AKAP13: variants seen among roughly 807,000 people sequenced by gnomAD.
AKAP13 encodes A-kinase anchor protein 13.
Under a neutral mutation model 264.5 loss-of-function variants are expected in AKAP13, and 80 were observed. The observed-to-expected ratio is 0.30, with a 90% CI of 0.25 to 0.36. The LOEUF (loss-of-function observed/expected upper bound fraction) is 0.36, where lower values mean the gene tolerates loss of function less well. Ranked by LOEUF, AKAP13 falls within the 10% of genes least tolerant of loss-of-function variation. The probability of loss-of-function intolerance (pLI) is 1.00; values close to 1 mark genes in which losing one functional copy is unlikely to be tolerated. For synonymous variants in AKAP13, 1,380 were observed against 1,250.2 expected, an observed-to-expected ratio of 1.10 and a Z score of -2.19; for missense variants, 3,712 against 3,435.2, an observed-to-expected ratio of 1.08 and a Z score of -2.01.
intron 6 of AKAP13, among the ~76,000 whole-genome samples, chr15:85,577,017 C>G: frequency 6.6e-6 from 1 of 152,108 alleles, no homozygotes; most frequent in East Asian, 1.9e-4. Context: ...ACTTCATTTC[C>G]TGATTTTTAG....
chr15:85,736,696 C>A (rs191118730), intron 33 of AKAP13, among the ~76,000 whole-genome samples: 16 of 152,228 alleles, frequency 1.1e-4, no homozygotes, highest in Admixed American at 1.0e-3. Flanking sequence ...TCTTATCCAG[C>A]GCTTCTTGCT....
chr15:85,723,914 A>G (rs2087449719), intron 26 of AKAP13, among the ~76,000 whole-genome samples: 1 of 152,222 alleles, frequency 6.6e-6, no homozygotes, highest in South Asian at 2.1e-4. Context: ...TTTAATTTTT[A>G]CATTTCTAAT....
chr15:85,683,280 A>T (rs1361760400), intron 15 of AKAP13, among the ~76,000 whole-genome samples: 1 of 152,184 alleles, frequency 6.6e-6, no homozygotes, highest in Non-Finnish European at 1.5e-5. Flanking sequence ...AAATAAACTG[A>T]CTGTTGACAG....
In AKAP13 at chr15:85,655,742, G is replaced by A; in HGVS notation, c.4700G>A (p.Gly1567Glu). ...TCTCCCTTCCGGAGGCACAGCTGGG[G>A]GCCTGGGAAAAATGCAGCCAGCGAT... ...SLSPFRRHSWGPGKNAASDAE... is the reference protein window; with the variant it reads ...SLSPFRRHSWEPGKNAASDAE... The change falls in exon 11 of 37, where the codon GGG (glycine) becomes GAG (glutamate). Residue 1567 changes from glycine to glutamate, a missense_variant. Gly to Glu is a moderately conservative substitution (Grantham distance 98). This residue lies in a region of AKAP13 where 2,759 missense variants were observed against 2,411.7 expected (regional missense o/e 1.14). Coordinates refer to ENST00000394518, the MANE Select transcript of AKAP13 (RefSeq NM_007200.5). The A allele has an allele frequency of 1.9e-6, 3 of 1,612,468 alleles. No homozygotes were observed. The highest frequency in any genetic ancestry group is 2.5e-6 in the Non-Finnish European group (3 of 1,178,662).
At chr15:85,383,764 G>A (rs1440179683) in intron 1 of AKAP13, among the ~76,000 whole-genome samples, 5 of 152,170 alleles carry the variant, frequency 3.3e-5, no homozygotes, top group African/African-American at 1.2e-4. Flanking sequence ...GAGATGGATT[G>A]TTTTCAGTAC....
rs375834675 is a variant in AKAP13, at chr15:85,580,069, T to C, written c.2001T>C (p.Cys667=). Residue 667 remains cysteine, a synonymous_variant, in exon 7 of 37, where the codon TGT becomes TGC. Transcript: ENST00000394518. ...ATAAACTTTGTGCAGACTCTGCATG[T>C]CAACAGAACACAGTGACTTCTAGTG... ...GDDKLCADSA[C]QQNTVTSSGD... is the part of the protein sequence containing the mutation. 3.1e-4 allele frequency: 499 copies of C among 1,614,100 alleles called. 2 individuals are homozygous for C. The highest frequency in any genetic ancestry group is 4.7e-4 in the Admixed American group (28 of 60,002).
intron 1 of AKAP13, chr15:85,415,081 C>T (rs187669911): frequency 3.2e-5 from 18 of 561,584 alleles, no homozygotes; most frequent in East Asian, 3.0e-4. Flanking sequence ...AGTGAAGTTA[C>T]TCTGAAAATT....
intron 5 of AKAP13, among the ~76,000 whole-genome samples, chr15:85,546,454 A>T (rs750130513): frequency 6.6e-6 from 1 of 152,126 alleles, no homozygotes; most frequent in Non-Finnish European, 1.5e-5. Context: ...AAAAGAAAAG[A>T]TCATCTTTAA....
Position 85,708,274 on chromosome 15 carries a change from C to T in AKAP13, c.5532+188C>T, listed in dbSNP as rs1446317356. 6.6e-6 allele frequency among the ~76,000 whole-genome samples: 1 copy of T among 152,176 alleles called. No individual in the cohort carries two copies. The highest frequency in any genetic ancestry group is 1.9e-4 in the East Asian group (1 of 5,200). The stretch of plus-strand genomic sequence containing the variant: ...CGATCAATCTTCTTCTTGAGTAACA[C>T]TGGAGAATTAGACTTTCAGAAAAGA... On this transcript the variant is annotated intron_variant, in intron 18 of 36. Coordinates refer to ENST00000394518, the MANE Select transcript of AKAP13 (RefSeq NM_007200.5). This position sits in a 1 kb window ranked among gnomAD's most constrained non-coding sequence, Gnocchi z 4.3.
intron 1 of AKAP13, among the ~76,000 whole-genome samples, chr15:85,412,823 G>A (rs2072042717): frequency 6.6e-6 from 1 of 152,168 alleles, no homozygotes; most frequent in African/African-American, 2.4e-5. Context: ...TCATAATGCT[G>A]AGTTATATTT....
chr15:85,445,124 A>C (rs773039399), intron 1 of AKAP13, among the ~76,000 whole-genome samples: 1 of 152,228 alleles, frequency 6.6e-6, no homozygotes, highest in East Asian at 1.9e-4. Flanking sequence ...TATCTGATCA[A>C]AAAAACCTAT....
intron 1 of AKAP13, among the ~76,000 whole-genome samples, chr15:85,458,981 T>G (rs2074396985): frequency 6.6e-6 from 1 of 152,190 alleles, no homozygotes; most frequent in Non-Finnish European, 1.5e-5. Context: ...TCTAGACAGT[T>G]TCAACTACCT....
intron 5 of AKAP13, 46 bp downstream of exon 5, chr15:85,544,001 C>A: frequency 6.2e-7 from 1 of 1,604,174 alleles, no homozygotes; most frequent in Non-Finnish European, 8.5e-7. Flanking sequence ...TCCCCAGCCC[C>A]ACCCCCGATT....
intron 1 of AKAP13, among the ~76,000 whole-genome samples, chr15:85,399,096 T>G (rs569299145): frequency 6.6e-6 from 1 of 152,204 alleles, no homozygotes; most frequent in Non-Finnish European, 1.5e-5. Flanking sequence ...TTCATAGATA[T>G]TGTCAAGTTG....
rs1420907680 is a variant in AKAP13, at chr15:85,684,768, G to T, written c.5184G>T (p.Leu1728=). The stretch of plus-strand genomic sequence containing the variant: ...TAACAGAAGAGAACTATAATTTCCT[G>T]CCACATAGCCCCTCCAAGAAAGATT... ...ESITEENYNF[L]PHSPSKKDSE... is the part of the protein sequence containing the mutation. The change falls in exon 16 of 37, where the codon CTG becomes CTT. Residue 1728 remains leucine (L), a synonymous_variant. Transcript: ENST00000394518. The T allele has an allele frequency of 6.2e-7, 1 of 1,613,190 alleles. No homozygotes were observed. Among genetic ancestry groups the T allele is most frequent in the South Asian group, 1.1e-5 (1 of 91,032 alleles).
chr15:85,506,618 G>GAT, intron 2 of AKAP13, among the ~76,000 whole-genome samples: 1 of 152,294 alleles, frequency 6.6e-6, no homozygotes, highest in Non-Finnish European at 1.5e-5. Context: ...GGGCAAGATA[G>GAT]ATAAGGAGAG....
At chr15:85,483,553 G>A (rs1461306840) in intron 1 of AKAP13, among the ~76,000 whole-genome samples, 2 of 146,720 alleles carry the variant, frequency 1.4e-5, no homozygotes, top group Non-Finnish European at 3.0e-5. Context: ...GTGAACCCGG[G>A]AAGCGGAGCT....
chr15:85,484,075 C>T (rs1175438713), intron 1 of AKAP13, among the ~76,000 whole-genome samples: 8 of 151,944 alleles, frequency 5.3e-5, no homozygotes, highest in African/African-American at 1.9e-4. Flanking sequence ...GTAGATTGGT[C>T]CATAAATTTA....
intron 13 of AKAP13, among the ~76,000 whole-genome samples, chr15:85,665,548 C>CT (rs752428377): frequency 1.3e-5 from 2 of 152,272 alleles, no homozygotes; most frequent in Admixed American, 1.3e-4. Flanking sequence ...TATTTTTACA[C>CT]TTTAAGTTCT....
Sources: gnomAD v4.1 joint callset for allele counts (sites outside exome capture counted in the v4.1 genomes callset) on GRCh38, gnomAD v4.1.1 for gene constraint, gnomAD v4.1.1 regional missense constraint, Gnocchi (gnomAD v3.1) non-coding constraint, MANE v1.5 for transcripts, NCBI Gene and HGNC (gene_info 2026-07-23, HGNC 2026-07-21) for gene names.